GRM5: variants seen among roughly 807,000 people sequenced by gnomAD.
GRM5 encodes metabotropic glutamate receptor 5.
GRM5 carries 19 observed loss-of-function variants against 83.1 expected under a neutral mutation model. The ratio of observed to expected loss-of-function variants is 0.23; its 90% CI spans 0.16 to 0.34. The LOEUF is 0.34. Ranked by LOEUF, GRM5 falls within the 10% of genes least tolerant of loss-of-function variation. GRM5 has a pLI of 1.00. For missense variants in GRM5, 1,160 were observed against 1,588.3 expected (o/e 0.73, Z 4.58); for synonymous variants, 675 against 633.6 (o/e 1.07, Z -0.98).
At chr11:88,546,431 G>A (rs1942386716) in intron 8 of GRM5, among the ~76,000 whole-genome samples, 1 of 151,970 alleles carries the variant, frequency 6.6e-6, no homozygotes. Flanking sequence ...GTAAAGTCAA[G>A]ATATTAAATT....
intron 3 of GRM5, among the ~76,000 whole-genome samples, chr11:88,739,248 C>T (rs1941980654): frequency 6.6e-6 from 1 of 152,032 alleles, no homozygotes; most frequent in Non-Finnish European, 1.5e-5. Context: ...CTTATGCATT[C>T]TTCACTCGAA....
At chr11:88,677,938 C>T (rs6483360) in intron 3 of GRM5, among the ~76,000 whole-genome samples, 151,233 of 152,220 alleles carry the variant, frequency 0.99, 75,136 homozygotes, top group East Asian at 1. Context: ...AGTTGGGCTC[C>T]ACACATTTAA....
chr11:88,952,293 C>T (rs1398669207), intron 2 of GRM5, among the ~76,000 whole-genome samples: 2 of 152,144 alleles, frequency 1.3e-5, no homozygotes, highest in Admixed American at 6.5e-5. Context: ...TTATGACTTC[C>T]TGGACTCTCT....
intron 4 of GRM5, among the ~76,000 whole-genome samples, chr11:88,624,823 G>A (rs1938746129): frequency 6.6e-6 from 1 of 152,018 alleles, no homozygotes; most frequent in African/African-American, 2.4e-5. Flanking sequence ...ACCTATTCAG[G>A]ATTTTTAAAA....
rs186238195 is a variant in GRM5 at position 89,029,227 on chromosome 11, A to G, written c.661+17985T>C. Among the ~76,000 whole-genome samples the G allele has an allele frequency of 1.1e-3, 164 of 152,370 alleles. 2 individuals carry two copies. Among genetic ancestry groups the G allele is most frequent in the Non-Finnish European group, 3.4e-4 (23 of 68,028 alleles). ...AAACATTACAGAATTTGTAACACAA[A>G]TAAGCTTAACATGTTAATGAGAAAA... On this transcript the variant is annotated intron_variant, in intron 2 of 9. Transcript: ENST00000305447.
intron 2 of GRM5, among the ~76,000 whole-genome samples, chr11:88,944,802 A>G (rs1315656843): frequency 6.6e-6 from 1 of 151,964 alleles, no homozygotes; most frequent in Non-Finnish European, 1.5e-5. Context: ...GAGAACTAGA[A>G]CAAGACAAGG....
rs544948365 is a variant in GRM5, at chr11:88,741,411, C to T, written c.912-88008G>A. On this transcript the variant is annotated intron_variant, in intron 3 of 9. Transcript: ENST00000305447. ...AGTGATTAGACTTCTTGCTAAACTT[C>T]ATTTGATGGGGCTGAGACTTCTGAC... 7.2e-5 allele frequency among the ~76,000 whole-genome samples: 11 copies of T among 152,212 alleles called. No homozygotes were observed. The South Asian group carries it at 2.1e-3, about 29-fold the overall frequency.
chr11:88,975,082 C>T (rs540440627), intron 2 of GRM5, among the ~76,000 whole-genome samples: 75 of 152,232 alleles, frequency 4.9e-4, no homozygotes, highest in Non-Finnish European at 8.7e-4. Context: ...GAGAATTAGA[C>T]GTTTAGGACT....
At chr11:88,540,523 G>A (rs891019668) in intron 8 of GRM5, among the ~76,000 whole-genome samples, 6 of 152,080 alleles carry the variant, frequency 3.9e-5, no homozygotes, top group Admixed American at 6.6e-5. Flanking sequence ...CTGCCCACGA[G>A]TGGGAATGAC....
At chr11:88,751,291 G>A (rs1417191843) in intron 3 of GRM5, among the ~76,000 whole-genome samples, 1 of 151,972 alleles carries the variant, frequency 6.6e-6, no homozygotes, top group Admixed American at 6.6e-5. Context: ...TTACCCCATA[G>A]GAATTTAAAC....
At chr11:88,601,514 TTTA>T (rs1451228269) in intron 5 of GRM5, among the ~76,000 whole-genome samples, 3 of 152,182 alleles carry the variant, frequency 2.0e-5, no homozygotes, top group Non-Finnish European at 4.4e-5. Flanking sequence ...AATATGCATT[TTTA>T]TTCTACTTAA....
intron 2 of GRM5, among the ~76,000 whole-genome samples, chr11:88,864,613 G>T (rs1470112501): frequency 3.3e-5 from 5 of 152,050 alleles, no homozygotes; most frequent in Non-Finnish European, 7.4e-5. Flanking sequence ...CATGTCAACT[G>T]CAAAGAGACA....
chr11:88,719,147 T>C (rs924531127), intron 3 of GRM5, among the ~76,000 whole-genome samples: 1 of 151,880 alleles, frequency 6.6e-6, no homozygotes, highest in Non-Finnish European at 1.5e-5. Context: ...ATTTGTTGTA[T>C]AGATTATTTC....
At chr11:88,574,118 T>A (rs1943058135) in intron 7 of GRM5, among the ~76,000 whole-genome samples, 1 of 152,204 alleles carries the variant, frequency 6.6e-6, no homozygotes, top group Non-Finnish European at 1.5e-5. Flanking sequence ...TCTACTTGAC[T>A]AGAAGCACCC....
At chr11:88,785,705 T>G (rs1943056179) in intron 3 of GRM5, among the ~76,000 whole-genome samples, 1 of 152,100 alleles carries the variant, frequency 6.6e-6, no homozygotes, top group African/African-American at 2.4e-5. Context: ...AAAACTCTGT[T>G]GTGACTGATG....
intron 3 of GRM5, among the ~76,000 whole-genome samples, chr11:88,772,164 A>G (rs1337067013): frequency 6.6e-6 from 1 of 152,126 alleles, no homozygotes; most frequent in African/African-American, 2.4e-5. Flanking sequence ...ACATAAAGAT[A>G]TCTATTGAAA....
chr11:88,596,978 A>T (rs1469947200), intron 6 of GRM5, among the ~76,000 whole-genome samples: 1 of 152,084 alleles, frequency 6.6e-6, no homozygotes, highest in East Asian at 1.9e-4. Flanking sequence ...GGCAAACATG[A>T]CTCATCAACT....
intron 2 of GRM5, among the ~76,000 whole-genome samples, chr11:88,851,529 C>T (rs1249539218): frequency 6.6e-6 from 1 of 152,180 alleles, no homozygotes; most frequent in African/African-American, 2.4e-5. Flanking sequence ...TAGCTCACTG[C>T]TCCTTACAAC....
At chr11:88,883,322 T>C (rs1390933387) in intron 2 of GRM5, among the ~76,000 whole-genome samples, 1 of 152,182 alleles carries the variant, frequency 6.6e-6, no homozygotes, top group African/African-American at 2.4e-5. Context: ...ATATGGACAA[T>C]GAAGTCCCAT....
Sources: allele counts gnomAD v4.1 joint callset (sites outside exome capture counted in the v4.1 genomes callset), GRCh38; gene constraint gnomAD v4.1.1; transcripts MANE v1.5; gene names NCBI Gene and HGNC (gene_info 2026-07-23, HGNC 2026-07-21).